The following ORMDL1 variants were observed in gnomAD, a reference collection of about 807,000 sequenced individuals.
ORMDL1 encodes the protein ORMDL sphingolipid biosynthesis regulator 1.
Under a neutral mutation model 13.0 loss-of-function variants are expected in ORMDL1, and 10 were observed. That is an observed-to-expected ratio of 0.77 (90% CI 0.47 to 1.30). The LOEUF (loss-of-function observed/expected upper bound fraction) is 1.30, where lower values mean the gene tolerates loss of function less well. Ranked by LOEUF, ORMDL1 falls within the 50% of genes most tolerant of loss-of-function variation. The pLI, the probability that ORMDL1 is intolerant of heterozygous loss-of-function variation, is 0.00. For synonymous variants in ORMDL1, 61 were observed against 63.9 expected, an observed-to-expected ratio of 0.95 and a Z score of 0.22; for missense variants, 171 against 186.7, an observed-to-expected ratio of 0.92 and a Z score of 0.49.
chr2:189,774,114 T>C (rs1275949893), intron 4 of ORMDL1: 1 of 152,228 alleles, frequency 6.6e-6, no homozygotes, highest in Non-Finnish European at 1.5e-5. Flanking sequence ...TTCAGGGCCA[T>C]CTGAATAACC....
At position 189,771,903 on chromosome 2, in the gene ORMDL1, C is replaced by G. The variant is rs2047587231; in HGVS notation, c.327-1G>C. The G allele has an allele frequency of 2.5e-6, 4 of 1,573,714 alleles. No homozygotes were observed. The highest frequency in any genetic ancestry group is 1.4e-5 in the African/African-American group (1 of 72,900). ...CGTATAGAAACTTGCCAGAAAATAT[C>G]TGTAGAGATAAAAGTTAAGAATATA... On this transcript the variant is annotated splice_acceptor_variant, in intron 4 of 4. Coordinates refer to ENST00000392349, the MANE Select transcript of ORMDL1 (RefSeq NM_016467.5). LOFTEE classifies it high-confidence loss of function.
the ORMDL1 span, chr2:189,764,433 G>C: frequency 2.0e-5 from 3 of 152,194 alleles, no homozygotes; most frequent in Non-Finnish European, 4.4e-5. Flanking sequence ...TGTTGAGTCC[G>C]AATGCTGTTA....
intron 3 of ORMDL1, among the ~76,000 whole-genome samples, chr2:189,776,860 C>A (rs529971437): frequency 1.3e-5 from 2 of 151,838 alleles, no homozygotes; most frequent in African/African-American, 4.8e-5. Flanking sequence ...TGAGATGTAC[C>A]CAAGCCTTGG....
chr2:189,782,179 G>A (rs2047858268), intron 3 of ORMDL1, among the ~76,000 whole-genome samples: 2 of 152,062 alleles, frequency 1.3e-5, no homozygotes, highest in Non-Finnish European at 2.9e-5. Context: ...CTGACCTTGT[G>A]ATCTGCCTGC....
intron 3 of ORMDL1, among the ~76,000 whole-genome samples, chr2:189,777,233 G>A (rs554877071): frequency 5.9e-5 from 9 of 152,278 alleles, no homozygotes; most frequent in African/African-American, 9.6e-5. Flanking sequence ...CTGGGACACC[G>A]CAAGACATTA....
chr2:189,779,545 CA>C (rs1388879560), intron 3 of ORMDL1, among the ~76,000 whole-genome samples: 2 of 152,312 alleles, frequency 1.3e-5, no homozygotes, highest in East Asian at 3.9e-4. Flanking sequence ...ATGGTTGAGA[CA>C]AGGTGAAGTC....
At chr2:189,768,155 G>A (rs2047513579), downstream of ORMDL1, among the ~76,000 whole-genome samples, 1 of 152,154 alleles carries the variant, frequency 6.6e-6, no homozygotes, top group African/African-American at 2.4e-5. Flanking sequence ...CAACAAAGGA[G>A]AGTTTATCTC....
chr2:189,769,396 A>AG (rs1000613129), downstream of ORMDL1, among the ~76,000 whole-genome samples: 2 of 151,064 alleles, frequency 1.3e-5, no homozygotes, highest in African/African-American at 4.9e-5. Flanking sequence ...AGCCATCTCA[A>AG]AAAAAAAAAG....
At chr2:189,783,809 C>T (rs2047982566) in intron 1 of ORMDL1, among the ~76,000 whole-genome samples, 1 of 152,186 alleles carries the variant, frequency 6.6e-6, no homozygotes, top group Non-Finnish European at 1.5e-5. Context: ...TCATCCTATT[C>T]CAACCAGAAA....
intron 3 of ORMDL1, among the ~76,000 whole-genome samples, chr2:189,779,617 C>T (rs1039985297): frequency 2.6e-5 from 4 of 152,144 alleles, no homozygotes; most frequent in African/African-American, 7.2e-5. Context: ...TTGGATTTTA[C>T]CATGACTGCA....
chr2:189,768,278 C>T (rs1326922597), downstream of ORMDL1, among the ~76,000 whole-genome samples: 1 of 152,126 alleles, frequency 6.6e-6, no homozygotes, highest in Non-Finnish European at 1.5e-5. Context: ...TTGCTCACAT[C>T]GACATGTACT....
intron 3 of ORMDL1, among the ~76,000 whole-genome samples, chr2:189,776,345 A>C (rs2047694616): frequency 6.6e-6 from 1 of 152,188 alleles, no homozygotes; most frequent in Non-Finnish European, 1.5e-5. Context: ...AACTCAAAGC[A>C]AATAACATTA....
At chr2:189,773,304 T>C (rs746348974) in intron 4 of ORMDL1, among the ~76,000 whole-genome samples, 1 of 152,210 alleles carries the variant, frequency 6.6e-6, no homozygotes, top group Admixed American at 6.5e-5. Flanking sequence ...TGACAACATT[T>C]ATTTGCCAAC....
chr2:189,782,348 C>T, intron 3 of ORMDL1, 74 bp downstream of exon 3: 1 of 1,354,956 alleles, frequency 7.4e-7, no homozygotes, highest in East Asian at 2.5e-5. Context: ...ACTTTCCATT[C>T]CTTCCTCCCC....
chr2:189,777,571 T>A (rs2047727431), intron 3 of ORMDL1, among the ~76,000 whole-genome samples: 1 of 152,230 alleles, frequency 6.6e-6, no homozygotes, highest in Non-Finnish European at 1.5e-5. Context: ...TATCTGGCCA[T>A]ATATCTACTG....
At chr2:189,781,966 G>A (rs891763366) in intron 3 of ORMDL1, among the ~76,000 whole-genome samples, 4 of 144,964 alleles carry the variant, frequency 2.8e-5, no homozygotes, top group African/African-American at 5.1e-5. Context: ...TTTTTGAGAC[G>A]AAATCTCACT....
In ORMDL1 at chr2:189,782,612, G is replaced by C; in HGVS notation, c.-7-10C>G. ...AACGTTCATGTTTGCTCTGTAGGAAGTAATGAAATGAATCAACACTGATAC... is the reference window on the plus strand; with the variant it reads ...AACGTTCATGTTTGCTCTGTAGGAACTAATGAAATGAATCAACACTGATAC... On this transcript the variant is annotated splice_polypyrimidine_tract_variant and intron_variant, in intron 2 of 4. Transcript: ENST00000392349. 1 of 1,609,896 alleles carries C rather than the reference G, an allele frequency of 6.2e-7. No homozygotes were observed. Among genetic ancestry groups the C allele is most frequent in the Non-Finnish European group, 8.5e-7 (1 of 1,176,758 alleles).
At chr2:189,780,440 G>C (rs1207438934) in intron 3 of ORMDL1, among the ~76,000 whole-genome samples, 1 of 152,188 alleles carries the variant, frequency 6.6e-6, no homozygotes, top group African/African-American at 2.4e-5. Flanking sequence ...GGTGGTAAGG[G>C]AGTAATCAGG....
intron 3 of ORMDL1, among the ~76,000 whole-genome samples, chr2:189,781,407 T>C (rs1326560606): frequency 3.3e-5 from 5 of 152,130 alleles, no homozygotes; most frequent in East Asian, 1.9e-4. Context: ...GAAAAGTCGC[T>C]GTCAAGATTT....
Sources: allele counts gnomAD v4.1 joint callset (sites outside exome capture counted in the v4.1 genomes callset), GRCh38; gene constraint gnomAD v4.1.1; transcripts MANE v1.5; gene names NCBI Gene and HGNC (gene_info 2026-07-23, HGNC 2026-07-21).